Variants in ARMC2 observed in about 807,000 individuals in gnomAD.
ARMC2 encodes the protein armadillo repeat containing 2.
Under a neutral mutation model 90.3 loss-of-function variants are expected in ARMC2, and 67 were observed. The ratio of observed to expected loss-of-function variants is 0.74; its 90% CI spans 0.61 to 0.91. The LOEUF is 0.91. Ranked by LOEUF, ARMC2 falls within the 40% of genes least tolerant of loss-of-function variation. The pLI is 0.00. For missense variants in ARMC2, 920 were observed against 1,030.9 expected (o/e 0.89, Z 1.47); for synonymous variants, 393 against 393.0 (o/e 1.00, Z 0.00).
At chr6:108,896,272 G>T (rs1287941616) in intron 6 of ARMC2, among the ~76,000 whole-genome samples, 2 of 152,052 alleles carry the variant, frequency 1.3e-5, no homozygotes. Context: ...TCAAAAACAT[G>T]CTGAAATTTT....
intron 6 of ARMC2, among the ~76,000 whole-genome samples, chr6:108,895,076 T>A (rs547116712): frequency 6.6e-6 from 1 of 150,680 alleles, no homozygotes; most frequent in South Asian, 2.1e-4. Context: ...TAGATGACAG[T>A]CTTAATGGTT....
chr6:108,983,422 T>TG, the ARMC2 span, among the ~76,000 whole-genome samples: 1 of 152,212 alleles, frequency 6.6e-6, no homozygotes, highest in Non-Finnish European at 1.5e-5. Flanking sequence ...ATTTAGGTCT[T>TG]TGAGTTTTTT....
intron 5 of ARMC2, among the ~76,000 whole-genome samples, chr6:108,892,494 T>A (rs2254451): frequency 0.23 from 34,832 of 151,626 alleles, 4,191 homozygotes; most frequent in East Asian, 0.35. Context: ...GCGCCATGGC[T>A]CACACCTGTT....
chr6:108,988,931 C>A, the ARMC2 span, among the ~76,000 whole-genome samples: 17 of 152,250 alleles, frequency 1.1e-4, no homozygotes, highest in African/African-American at 4.1e-4. Flanking sequence ...TTCCTGAAAG[C>A]TGACAATATT....
At chr6:109,040,747 G>A in the ARMC2 span, among the ~76,000 whole-genome samples, 2 of 151,424 alleles carry the variant, frequency 1.3e-5, no homozygotes, top group Non-Finnish European at 2.9e-5. Context: ...CTGCCTCCTG[G>A]GTTCAAGCGA....
At chr6:108,886,569 CACAAACAA>C (rs371204920) in intron 5 of ARMC2, among the ~76,000 whole-genome samples, 1 of 152,132 alleles carries the variant, frequency 6.6e-6, no homozygotes, top group Non-Finnish European at 1.5e-5. Flanking sequence ...ATACTCGTCT[CACAAACAA>C]ACAAACAAAC....
intron 2 of ARMC2, among the ~76,000 whole-genome samples, chr6:108,855,712 C>T (rs1774513264): frequency 6.6e-6 from 1 of 152,194 alleles, no homozygotes; most frequent in South Asian, 2.1e-4. Flanking sequence ...TCCTCCACAT[C>T]CTAGCCAGCA....
chr6:108,863,580 C>G (rs912561449), intron 3 of ARMC2, among the ~76,000 whole-genome samples: 3 of 152,174 alleles, frequency 2.0e-5, no homozygotes, highest in Non-Finnish European at 2.9e-5. Flanking sequence ...TAACTGCTCT[C>G]TTGCTTTGAA....
intron 3 of ARMC2, among the ~76,000 whole-genome samples, chr6:108,858,501 T>G (rs1001771929): frequency 1.3e-5 from 2 of 151,944 alleles, no homozygotes; most frequent in African/African-American, 4.8e-5. Context: ...GAAGAATTTT[T>G]AAAATATATA....
At chr6:109,032,359 C>CT in the ARMC2 span, among the ~76,000 whole-genome samples, 13 of 152,202 alleles carry the variant, frequency 8.5e-5, no homozygotes, top group African/African-American at 3.1e-4. Flanking sequence ...TGGCTCACGC[C>CT]TGTAATCCCA....
intron 5 of ARMC2, among the ~76,000 whole-genome samples, chr6:108,883,129 GAGA>G (rs1358605390): frequency 2.0e-5 from 3 of 152,228 alleles, no homozygotes; most frequent in South Asian, 2.1e-4. Context: ...CACATAAAAG[GAGA>G]AGAAGACAGG....
chr6:109,028,703 T>C, the ARMC2 span, among the ~76,000 whole-genome samples: 4 of 152,144 alleles, frequency 2.6e-5, 1 homozygote, highest in South Asian at 4.1e-4. Flanking sequence ...ACACATACCA[T>C]AGAAGCAAAG....
At chr6:108,989,084 C>G in the ARMC2 span, among the ~76,000 whole-genome samples, 1 of 152,154 alleles carries the variant, frequency 6.6e-6, no homozygotes, top group Non-Finnish European at 1.5e-5. Flanking sequence ...CTTATTGCAA[C>G]CTCTGCTTCC....
chr6:109,008,948 A>C, the ARMC2 span: 15 of 993,466 alleles, frequency 1.5e-5, no homozygotes, highest in Non-Finnish European at 1.8e-5. Context: ...CTGTTTTCAC[A>C]AGACAAGACA....
intron 13 of ARMC2, among the ~76,000 whole-genome samples, chr6:108,958,671 T>C (rs1485232460): frequency 6.6e-6 from 1 of 152,222 alleles, no homozygotes; most frequent in Non-Finnish European, 1.5e-5. Flanking sequence ...GTAGGCCCTT[T>C]GCCCAAGAGT....
the ARMC2 span, chr6:109,009,505 G>A: frequency 2.5e-6 from 3 of 1,208,392 alleles, no homozygotes; most frequent in Non-Finnish European, 3.1e-6. Flanking sequence ...GGCGAGCGCT[G>A]GGCAGCCGGC....
intron 4 of ARMC2, among the ~76,000 whole-genome samples, chr6:108,871,877 C>T (rs538097212): frequency 4.6e-5 from 7 of 152,218 alleles, no homozygotes; most frequent in Non-Finnish European, 1.0e-4. Flanking sequence ...TGTTTGCAGT[C>T]ACCCCTCTTC....
chr6:108,965,371 C>CT (rs35328272), intron 17 of ARMC2, among the ~76,000 whole-genome samples: 92,123 of 126,658 alleles, frequency 0.73, 34,986 homozygotes, highest in East Asian at 0.88. Context: ...TCTTCTATGG[C>CT]TTTTTTTTTT....
In ARMC2 at chr6:108,960,872, G is replaced by C. The variant is rs541935359; in HGVS notation, c.1916-700G>C. On this transcript the variant is annotated intron_variant, in intron 13 of 17. Coordinates refer to ENST00000392644, the MANE Select transcript of ARMC2 (RefSeq NM_032131.6). ...GGAGGCTGGTGTGGTTGGCCTTGGG[G>C]GTCTGGGAGTAGGAGGAGCAAATGA... 3.9e-5 allele frequency among the ~76,000 whole-genome samples: 6 copies of C among 152,298 alleles called. No individual in the cohort carries two copies. In the South Asian group the frequency reaches 1.2e-3, roughly 32 times the overall value.
Sources: gnomAD v4.1 joint callset for allele counts (sites outside exome capture counted in the v4.1 genomes callset) on GRCh38, gnomAD v4.1.1 for gene constraint, MANE v1.5 for transcripts, NCBI Gene and HGNC (gene_info 2026-07-23, HGNC 2026-07-21) for gene names.